The following DLG2 variants were observed in gnomAD, a reference collection of about 807,000 sequenced individuals.
DLG2 encodes the protein discs large MAGUK scaffold protein 2.
DLG2 carries 45 observed loss-of-function variants against 132.5 expected under a neutral mutation model. The ratio of observed to expected loss-of-function variants is 0.34; its 90% confidence interval spans 0.27 to 0.44. The LOEUF (loss-of-function observed/expected upper bound fraction) is 0.44, where lower values mean the gene tolerates loss of function less well. Ranked by LOEUF, DLG2 falls within the 20% of genes least tolerant of loss-of-function variation. The probability of loss-of-function intolerance (pLI) is 1.00; values close to 1 mark genes in which losing one functional copy is unlikely to be tolerated. For synonymous variants in DLG2, 424 were observed against 419.6 expected, an observed-to-expected ratio of 1.01 and a Z score of -0.13; for missense variants, 1,045 against 1,196.9, an observed-to-expected ratio of 0.87 and a Z score of 1.87.
intron 3 of DLG2, among the ~76,000 whole-genome samples, chr11:85,324,113 G>A (rs1596255337): frequency 6.6e-6 from 1 of 152,258 alleles, no homozygotes; most frequent in Middle Eastern, 3.4e-3. Context: ...GGGGTAGGGG[G>A]TCACACAGTC....
At chr11:84,586,719 T>A (rs928712360) in intron 6 of DLG2, among the ~76,000 whole-genome samples, 2 of 152,152 alleles carry the variant, frequency 1.3e-5, no homozygotes, top group African/African-American at 4.8e-5. Flanking sequence ...GAATTTTTTA[T>A]ATATTACATT....
At chr11:85,441,595 T>A (rs994289569) in intron 3 of DLG2, among the ~76,000 whole-genome samples, 1 of 152,214 alleles carries the variant, frequency 6.6e-6, no homozygotes, top group Non-Finnish European at 1.5e-5. Context: ...AAGCTCTGAA[T>A]ATACAACGGT....
rs138277912 is a variant in DLG2 at position 84,925,258 on chromosome 11, T to C, written c.357+186403A>G. ...AAAATGTTACAAATCTCAGAACAGC[T>C]CGCAAGCAAGGATTAAATGAAACAA... is the stretch of plus-strand genomic sequence containing the variant. On this transcript the variant is annotated intron_variant, in intron 6 of 27. Coordinates refer to ENST00000376104, the MANE Select transcript of DLG2 (RefSeq NM_001142699.3). Among the ~76,000 whole-genome samples, 6 of 152,226 alleles carry C rather than the reference T, an allele frequency of 3.9e-5. No homozygotes were observed. The East Asian group carries it at 1.2e-3, about 29-fold the overall frequency.
Position 85,277,924 on chromosome 11 carries a change from C to T in DLG2, c.186+7296G>A, listed in dbSNP as rs57364203. Among the ~76,000 whole-genome samples, 259 of 152,310 alleles carry T rather than the reference C, an allele frequency of 1.7e-3. 2 individuals carry two copies. Among genetic ancestry groups the T allele is most frequent in the African/African-American group, 6.0e-3 (250 of 41,582 alleles). On this transcript the variant is annotated intron_variant, in intron 4 of 27. Coordinates refer to ENST00000376104, the MANE Select transcript of DLG2 (RefSeq NM_001142699.3). ...CTATGCATGATACTGCCAGTTTAATCTGCCCCAGCATAGCTGATAATGCCA... is the reference window on the plus strand; with the variant it reads ...CTATGCATGATACTGCCAGTTTAATTTGCCCCAGCATAGCTGATAATGCCA...
At chr11:84,612,599 G>C (rs1176980851) in intron 6 of DLG2, among the ~76,000 whole-genome samples, 1 of 152,086 alleles carries the variant, frequency 6.6e-6, no homozygotes, top group Non-Finnish European at 1.5e-5. Context: ...ATTAAAGCTA[G>C]AGTGGTAGTT....
intron 14 of DLG2, among the ~76,000 whole-genome samples, chr11:83,945,420 C>T (rs904022734): frequency 5.9e-5 from 9 of 152,102 alleles, no homozygotes; most frequent in African/African-American, 1.9e-4. Flanking sequence ...ATCTGTAATA[C>T]AGAAGAAAAG....
intron 18 of DLG2, among the ~76,000 whole-genome samples, chr11:83,648,471 A>C (rs1348128540): frequency 6.6e-6 from 1 of 152,148 alleles, no homozygotes; most frequent in East Asian, 1.9e-4. Flanking sequence ...TCATCTTTTG[A>C]TGGGATAACT....
intron 4 of DLG2, among the ~76,000 whole-genome samples, chr11:85,279,993 G>C (rs746192565): frequency 6.6e-6 from 1 of 152,044 alleles, no homozygotes; most frequent in Non-Finnish European, 1.5e-5. Context: ...TTTGCAAAAT[G>C]CTTTCTTATT....
intron 6 of DLG2, among the ~76,000 whole-genome samples, chr11:84,651,953 G>A (rs914072224): frequency 6.6e-6 from 1 of 152,012 alleles, no homozygotes; most frequent in Non-Finnish European, 1.5e-5. Context: ...AGGCGGAGGA[G>A]GTACATTGGG....
chr11:85,385,341 C>T (rs1421036345), intron 3 of DLG2, among the ~76,000 whole-genome samples: 2 of 152,072 alleles, frequency 1.3e-5, no homozygotes, highest in African/African-American at 4.8e-5. Context: ...GTCAGCTCTT[C>T]GTGGAAGGGT....
chr11:84,186,379 C>T (rs2096276433), intron 8 of DLG2, among the ~76,000 whole-genome samples: 1 of 151,676 alleles, frequency 6.6e-6, no homozygotes, highest in African/African-American at 2.4e-5. Context: ...AAATATAAAC[C>T]TAAGAGAGCT....
intron 7 of DLG2, among the ~76,000 whole-genome samples, chr11:84,449,040 C>A (rs2099043829): frequency 6.6e-6 from 1 of 151,292 alleles, no homozygotes; most frequent in Admixed American, 6.6e-5. Flanking sequence ...TTATACTCAT[C>A]TTCATACCAT....
intron 3 of DLG2, among the ~76,000 whole-genome samples, chr11:85,524,164 G>T (rs1426618840): frequency 1.3e-5 from 2 of 152,152 alleles, no homozygotes; most frequent in Non-Finnish European, 2.9e-5. Context: ...GCGTGAATAA[G>T]ATCTAGTATT....
intron 7 of DLG2, among the ~76,000 whole-genome samples, chr11:84,301,583 C>T (rs1046337939): frequency 1.4e-4 from 19 of 135,736 alleles, no homozygotes; most frequent in African/African-American, 4.7e-4. Context: ...GGTGTGAACC[C>T]GGGAGGTGGA....
At chr11:83,962,246 T>G (rs940787055) in intron 14 of DLG2, among the ~76,000 whole-genome samples, 1 of 152,036 alleles carries the variant, frequency 6.6e-6, no homozygotes, top group Non-Finnish European at 1.5e-5. Context: ...GTGTAAAACA[T>G]AAACTCATTT....
chr11:84,623,951 T>C (rs1325730597), intron 6 of DLG2, among the ~76,000 whole-genome samples: 2 of 152,232 alleles, frequency 1.3e-5, no homozygotes, highest in Non-Finnish European at 1.5e-5. Context: ...GTGATTGCAG[T>C]ACATTTATTT....
At chr11:83,526,576 A>G (rs899814127) in intron 21 of DLG2, among the ~76,000 whole-genome samples, 1 of 152,208 alleles carries the variant, frequency 6.6e-6, no homozygotes, top group Non-Finnish European at 1.5e-5. Context: ...CCTTCAGGGC[A>G]TTAGCCCAGA....
chr11:84,448,340 A>G (rs1206547155), intron 7 of DLG2, among the ~76,000 whole-genome samples: 1 of 152,052 alleles, frequency 6.6e-6, no homozygotes, highest in African/African-American at 2.4e-5. Flanking sequence ...TACATAATCA[A>G]TTCCTTATGA....
At chr11:84,071,953 G>T (rs975858869) in intron 10 of DLG2, among the ~76,000 whole-genome samples, 7 of 152,224 alleles carry the variant, frequency 4.6e-5, no homozygotes, top group Non-Finnish European at 1.0e-4. Context: ...TCCAGTCAGG[G>T]TGCTATATAT....
Sources: allele counts gnomAD v4.1 joint callset (sites outside exome capture counted in the v4.1 genomes callset), GRCh38; gene constraint gnomAD v4.1.1; transcripts MANE v1.5; gene names NCBI Gene and HGNC (gene_info 2026-07-23, HGNC 2026-07-21).